TENM3: variants seen among roughly 807,000 people sequenced by gnomAD.
The protein encoded by TENM3 is teneurin transmembrane protein 3.
Under a neutral mutation model 255.1 loss-of-function variants are expected in TENM3, and 63 were observed. The ratio of observed to expected loss-of-function variants is 0.25; its 90% confidence interval spans 0.20 to 0.30. TENM3 has a LOEUF of 0.30. TENM3 is among the 10% of genes least tolerant of loss of function. TENM3 has a pLI of 1.00. For missense variants in TENM3, 2,929 were observed against 3,461.1 expected (o/e 0.85, Z 3.86); for synonymous variants, 1,306 against 1,322.3 (o/e 0.99, Z 0.27).
chr4:182,096,571 A>C, the TENM3 span, among the ~76,000 whole-genome samples: 1 of 152,230 alleles, frequency 6.6e-6, no homozygotes, highest in Non-Finnish European at 1.5e-5. Context: ...AATGGATGCG[A>C]AAACCACAAG....
chr4:182,119,532 T>A, the TENM3 span, among the ~76,000 whole-genome samples: 1 of 152,260 alleles, frequency 6.6e-6, no homozygotes, highest in African/African-American at 2.4e-5. Flanking sequence ...TCTATGTACC[T>A]GCCCATTTAT....
chr4:182,792,202 C>T lies in TENM3; in HGVS notation c.5602-72C>T. 2.2e-6 allele frequency: 3 copies of T among 1,337,002 alleles called. No individual in the cohort carries two copies. The highest frequency in any genetic ancestry group is 3.1e-6 in the Non-Finnish European group (3 of 954,370). 82.8% of individuals were successfully genotyped at this position (1,337,002 alleles called of 1,614,324 possible). On this transcript the variant is annotated intron_variant, in intron 25 of 27. Transcript: ENST00000511685. This position sits in a 1 kb window ranked among gnomAD's most constrained non-coding sequence, Gnocchi z 6.3. ...TCTCTAGTGGAATGTTTCTGTGCAT[C>T]TGTGGTCACTAAATCTGCTTTTGCA... is the stretch of plus-strand genomic sequence containing the variant.
chr4:181,522,603 C>A, the TENM3 span: 3 of 468,836 alleles, frequency 6.4e-6, no homozygotes, highest in Non-Finnish European at 8.0e-6. Context: ...ATAGACAAAT[C>A]CAGCATCTAT....
At chr4:182,365,644 C>G (rs114307098) in intron 3 of TENM3, among the ~76,000 whole-genome samples, 1 of 152,130 alleles carries the variant, frequency 6.6e-6, no homozygotes, top group Non-Finnish European at 1.5e-5. Flanking sequence ...ATAAAGCAGG[C>G]GATAAATAGC....
At chr4:182,634,987 G>A (rs192450281) in intron 5 of TENM3, among the ~76,000 whole-genome samples, 17 of 152,210 alleles carry the variant, frequency 1.1e-4, no homozygotes, top group South Asian at 4.1e-4. Context: ...TTGGGATGAC[G>A]CCAATTAAAC....
chr4:181,532,329 G>T, the TENM3 span, among the ~76,000 whole-genome samples: 9 of 152,130 alleles, frequency 5.9e-5, no homozygotes, highest in African/African-American at 2.2e-4. Context: ...TTAGGACCCT[G>T]CCAGATTTAG....
the TENM3 span, among the ~76,000 whole-genome samples, chr4:181,766,962 A>G: frequency 6.6e-6 from 1 of 152,044 alleles, no homozygotes; most frequent in Non-Finnish European, 1.5e-5. Context: ...TTCAAAACTT[A>G]AAACCAGAGG....
chr4:182,076,446 C>T, the TENM3 span, among the ~76,000 whole-genome samples: 1 of 152,104 alleles, frequency 6.6e-6, no homozygotes, highest in African/African-American at 2.4e-5. Flanking sequence ...TCGTGATCCA[C>T]CTGCCTCGGC....
rs1764782031 is a variant in TENM3 at position 182,777,547 on chromosome 4, C to CTGTTTTTTTT, written c.5304+2395_5304+2396insGTTTTTTTTT. 2.0e-4 allele frequency among the ~76,000 whole-genome samples: 9 copies of CTGTTTTTTTT among 45,468 alleles called. 1 individual carries two copies. The highest frequency in any genetic ancestry group is 7.8e-4 in the African/African-American group (9 of 11,576). 29.8% of individuals were successfully genotyped at this position (45,468 alleles called of 152,430 possible). A position where few individuals can be genotyped will look rare whatever the true frequency, so the allele number is the denominator to read the frequency against. On this transcript the variant is annotated intron_variant, in intron 24 of 27. Coordinates refer to ENST00000511685, the MANE Select transcript of TENM3 (RefSeq NM_001080477.4). ...TGTGTGTGTGTGTGTGTGTGTATTT[C>CTGTTTTTTTT]TTTTTTTTTTTTTTTTTTTTTTTTT...
chr4:181,888,494 GTATATATATATA>G, the TENM3 span, among the ~76,000 whole-genome samples: 31 of 28,224 alleles, frequency 1.1e-3, 3 homozygotes, highest in South Asian at 0.023. Context: ...ATAGAAATGT[GTATATATATATA>G]TATATATATG....
the TENM3 span, among the ~76,000 whole-genome samples, chr4:182,078,356 T>C: frequency 1.3e-5 from 2 of 152,076 alleles, no homozygotes; most frequent in Admixed American, 6.6e-5. Flanking sequence ...ACCCTGTCTC[T>C]ACTAAAATGC....
intron 1 of TENM3, among the ~76,000 whole-genome samples, chr4:182,208,884 T>C (rs1754763215): frequency 6.6e-6 from 1 of 152,166 alleles, no homozygotes. Flanking sequence ...ATATTTCCTA[T>C]CTTTTGGAAA....
chr4:182,648,498 C>G (rs1752952791), intron 5 of TENM3, among the ~76,000 whole-genome samples: 1 of 152,132 alleles, frequency 6.6e-6, no homozygotes, highest in Admixed American at 6.5e-5. Context: ...TCAGGCTGGT[C>G]TCAAACTCCT....
the TENM3 span, among the ~76,000 whole-genome samples, chr4:181,868,045 T>C: frequency 6.6e-6 from 1 of 152,186 alleles, no homozygotes; most frequent in Admixed American, 6.6e-5. Flanking sequence ...GTTGAGGTAA[T>C]TCCCTATATT....
At chr4:181,612,490 A>ATATGTGTGTGTG in the TENM3 span, among the ~76,000 whole-genome samples, 13 of 148,344 alleles carry the variant, frequency 8.8e-5, no homozygotes. Context: ...TTTGGTTAAG[A>ATATGTGTGTGTG]TGTGTGTGTG....
chr4:181,709,722 C>A, the TENM3 span, among the ~76,000 whole-genome samples: 1 of 152,216 alleles, frequency 6.6e-6, no homozygotes, highest in East Asian at 1.9e-4. Context: ...GCCATGGAAA[C>A]AAGATTAACT....
chr4:181,650,586 T>A, the TENM3 span, among the ~76,000 whole-genome samples: 2 of 152,174 alleles, frequency 1.3e-5, no homozygotes, highest in Admixed American at 1.3e-4. Flanking sequence ...ATTCTGCAGA[T>A]CCCTATTAGG....
the TENM3 span, among the ~76,000 whole-genome samples, chr4:182,051,310 T>A: frequency 7.4e-5 from 11 of 148,048 alleles, no homozygotes; most frequent in Non-Finnish European, 1.6e-4. Flanking sequence ...ACCATTGCAC[T>A]CCAGCCTGGG....
intron 1 of TENM3, among the ~76,000 whole-genome samples, chr4:182,282,231 C>G (rs536527068): frequency 6.6e-6 from 1 of 152,256 alleles, no homozygotes; most frequent in African/African-American, 2.4e-5. Context: ...AGTGCCCTTC[C>G]CATAGGCATG....
Sources: gnomAD v4.1 joint callset for allele counts (sites outside exome capture counted in the v4.1 genomes callset) on GRCh38, gnomAD v4.1.1 for gene constraint, Gnocchi (gnomAD v3.1) non-coding constraint, MANE v1.5 for transcripts, NCBI Gene and HGNC (gene_info 2026-07-23, HGNC 2026-07-21) for gene names.